IL1RAPL1: variants seen among roughly 807,000 people sequenced by gnomAD.
IL1RAPL1 encodes interleukin-1 receptor accessory protein-like 1.
Under a neutral mutation model 48.4 loss-of-function variants are expected in IL1RAPL1, and 3 were observed. The ratio of observed to expected loss-of-function variants is 0.06; its 90% confidence interval spans 0.03 to 0.16. The LOEUF (loss-of-function observed/expected upper bound fraction) is 0.16, where lower values mean the gene tolerates loss of function less well. Ranked by LOEUF, IL1RAPL1 falls within the 10% of genes least tolerant of loss-of-function variation. The pLI is 1.00. For synonymous variants in IL1RAPL1, 185 were observed against 187.7 expected, an observed-to-expected ratio of 0.99 and a Z score of 0.12; for missense variants, 349 against 530.6, an observed-to-expected ratio of 0.66 and a Z score of 3.36.
intron 1 of IL1RAPL1, among the ~76,000 whole-genome samples, chrX:28,736,670 A>G (rs924673861): frequency 8.9e-6 from 1 of 112,058 alleles, no homozygotes; most frequent in Admixed American, 9.5e-5. Flanking sequence ...AACCATTGCT[A>G]CTAAGACAGC....
intron 6 of IL1RAPL1, among the ~76,000 whole-genome samples, chrX:29,874,870 A>G (rs888267787): frequency 8.9e-6 from 1 of 112,414 alleles, no homozygotes; most frequent in Admixed American, 9.4e-5. Context: ...AAAAAATTTC[A>G]TCTTAGCACA....
intron 1 of IL1RAPL1, among the ~76,000 whole-genome samples, chrX:28,605,717 C>T (rs1479247487): frequency 1.8e-5 from 2 of 111,788 alleles, no homozygotes; most frequent in Admixed American, 1.9e-4. Flanking sequence ...AAGTAAAGTT[C>T]TTATAATGGC....
At chrX:28,665,482 G>T (rs775488736) in intron 1 of IL1RAPL1, among the ~76,000 whole-genome samples, 16 of 111,023 alleles carry the variant, frequency 1.4e-4, no homozygotes, top group Admixed American at 5.7e-4. Flanking sequence ...TTTATAAGTG[G>T]TACTTTTTTT....
chrX:29,932,288 T>C (rs1434929944), intron 8 of IL1RAPL1, among the ~76,000 whole-genome samples: 1 of 112,415 alleles, frequency 8.9e-6, no homozygotes, highest in African/African-American at 3.2e-5. Context: ...TAAAGCTCTG[T>C]CTGTGTTAGT....
intron 3 of IL1RAPL1, among the ~76,000 whole-genome samples, chrX:29,339,711 A>T (rs193252710): frequency 1.1e-3 from 123 of 112,099 alleles, no homozygotes; most frequent in African/African-American, 3.1e-3. Flanking sequence ...TAAAGTCCAC[A>T]TTTTATTCAG....
intron 5 of IL1RAPL1, among the ~76,000 whole-genome samples, chrX:29,501,301 G>A (rs753416854): frequency 9.0e-6 from 1 of 111,026 alleles, no homozygotes; most frequent in Non-Finnish European, 1.9e-5. Flanking sequence ...TTTAGGCGGA[G>A]GTAATCCCAT....
intron 6 of IL1RAPL1, among the ~76,000 whole-genome samples, chrX:29,870,055 A>G (rs1249955511): frequency 8.9e-6 from 1 of 111,792 alleles, no homozygotes; most frequent in Non-Finnish European, 1.9e-5. Flanking sequence ...AATTCTGGAA[A>G]ATGACTGGCG....
intron 6 of IL1RAPL1, among the ~76,000 whole-genome samples, chrX:29,879,686 G>A (rs1931987112): frequency 9.1e-6 from 1 of 109,969 alleles, no homozygotes; most frequent in Non-Finnish European, 1.9e-5. Flanking sequence ...ATATCGTGAA[G>A]TCTTTTGTTT....
intron 5 of IL1RAPL1, among the ~76,000 whole-genome samples, chrX:29,526,671 AAACAG>A (rs1384151515): frequency 8.9e-6 from 1 of 112,296 alleles, no homozygotes; most frequent in Admixed American, 9.4e-5. Context: ...CTCACAAAAT[AAACAG>A]AAAAGATAAA....
chrX:28,819,708 G>C (rs1053632830), intron 2 of IL1RAPL1, among the ~76,000 whole-genome samples: 4 of 108,396 alleles, frequency 3.7e-5, no homozygotes, highest in African/African-American at 1.3e-4. Context: ...TGTAAGATCA[G>C]AATTGTTCCA....
intron 5 of IL1RAPL1, among the ~76,000 whole-genome samples, chrX:29,614,276 TA>T (rs1219305432): frequency 1.8e-5 from 2 of 111,913 alleles, no homozygotes; most frequent in Non-Finnish European, 3.8e-5. Flanking sequence ...CTCAAGGTAA[TA>T]GCTGTCCCAC....
In IL1RAPL1 at chrX:29,076,187, A is replaced by T. The variant is rs187948225; in HGVS notation, c.83-206751A>T. On this transcript the variant is annotated intron_variant, in intron 2 of 10. Transcript: ENST00000378993. Reference sequence around the variant, plus strand: ...AAATACTTTGTCTTCTTTCATACTCATTGTTTCTAACTCTTTCTAACTTTT... The same window carrying T: ...AAATACTTTGTCTTCTTTCATACTCTTTGTTTCTAACTCTTTCTAACTTTT... Among the ~76,000 whole-genome samples the T allele has an allele frequency of 1.5e-3, 163 of 111,695 alleles. 1 individual carries two copies. Among genetic ancestry groups the T allele is most frequent in the African/African-American group, 5.1e-3 (156 of 30,871 alleles).
intron 2 of IL1RAPL1, among the ~76,000 whole-genome samples, chrX:28,834,273 A>ATCT (rs80258865): frequency 0.1 from 11,240 of 111,225 alleles, 511 homozygotes; most frequent in Middle Eastern, 0.27. Context: ...TTTTGTGTGT[A>ATCT]TCTTCATTTA....
chrX:29,627,247 G>A (rs1192978036), intron 5 of IL1RAPL1, among the ~76,000 whole-genome samples: 1 of 112,143 alleles, frequency 8.9e-6, no homozygotes, highest in African/African-American at 3.2e-5. Flanking sequence ...AGGTAGAAGA[G>A]GCTGTACGTG....
chrX:29,761,086 C>G (rs1041001012), intron 6 of IL1RAPL1, among the ~76,000 whole-genome samples: 3 of 112,095 alleles, frequency 2.7e-5, no homozygotes, highest in Non-Finnish European at 3.8e-5. Flanking sequence ...GTTTTATGTA[C>G]ATTGCTAAGG....
intron 1 of IL1RAPL1, among the ~76,000 whole-genome samples, chrX:28,743,669 G>T (rs186609769): frequency 5.4e-5 from 6 of 111,089 alleles, no homozygotes; most frequent in Non-Finnish European, 1.1e-4. Context: ...TTGTGATTCC[G>T]TATACTCCAA....
intron 5 of IL1RAPL1, among the ~76,000 whole-genome samples, chrX:29,664,781 C>T (rs1047015238): frequency 8.9e-6 from 1 of 111,734 alleles, no homozygotes; most frequent in African/African-American, 3.2e-5. Flanking sequence ...AGGCTGTATC[C>T]CTTTATGAAT....
At chrX:29,166,216 C>T (rs1929783291) in intron 2 of IL1RAPL1, among the ~76,000 whole-genome samples, 1 of 112,124 alleles carries the variant, frequency 8.9e-6, no homozygotes, top group Admixed American at 9.5e-5. Context: ...TGTTAGTGCT[C>T]ATAGTCTGGT....
At chrX:28,657,309 A>T (rs1050601739) in intron 1 of IL1RAPL1, among the ~76,000 whole-genome samples, 1 of 111,918 alleles carries the variant, frequency 8.9e-6, no homozygotes, top group African/African-American at 3.2e-5. Context: ...TCAAATAGAG[A>T]TATTGAAATT....
Sources: allele counts gnomAD v4.1 joint callset (sites outside exome capture counted in the v4.1 genomes callset), GRCh38; gene constraint gnomAD v4.1.1; transcripts MANE v1.5; gene names NCBI Gene and HGNC (gene_info 2026-07-23, HGNC 2026-07-21).